The following ZNF519 variants were observed in gnomAD, a reference collection of about 807,000 sequenced individuals.
ZNF519 encodes similar to Zinc finger protein 85 (Zinc finger protein HPF4) (HTF1).
In ZNF519, 7 loss-of-function variants were observed where a neutral mutation model predicts 7.4. That is an observed-to-expected ratio of 0.94 (90% CI 0.54 to 1.77). The LOEUF is 1.77. Among genes scored for constraint, ZNF519 ranks in the 40% most tolerant of loss-of-function variants. ZNF519 has a pLI of 0.00. For synonymous variants in ZNF519, 179 were observed against 203.3 expected, an observed-to-expected ratio of 0.88 and a Z score of 1.02; for missense variants, 586 against 623.1, an observed-to-expected ratio of 0.94 and a Z score of 0.63.
At chr18:14,099,794 G>T (rs2046151724), downstream of ZNF519, 1 of 152,054 alleles carries the variant, frequency 6.6e-6, no homozygotes, top group Non-Finnish European at 1.5e-5. Context: ...ATTAAATAGG[G>T]TTCCACACAC....
chr18:14,125,946 A>G (rs565803401), intron 1 of ZNF519, among the ~76,000 whole-genome samples: 1 of 152,310 alleles, frequency 6.6e-6, no homozygotes, highest in South Asian at 2.1e-4. Flanking sequence ...TTGGCCTCCC[A>G]AAGTGCTGGG....
intron 2 of ZNF519, among the ~76,000 whole-genome samples, chr18:14,088,225 C>CT (rs1423956217): frequency 6.6e-6 from 1 of 152,124 alleles, no homozygotes; most frequent in Non-Finnish European, 1.5e-5. Flanking sequence ...ACATTTGAAT[C>CT]TTTTTTCAGG....
chr18:14,124,726 ACCT>A (rs2046288613), intron 1 of ZNF519, among the ~76,000 whole-genome samples: 1 of 151,588 alleles, frequency 6.6e-6, no homozygotes. Flanking sequence ...AGGCCCTGTG[ACCT>A]CCTTCTGGAA....
Position 14,101,431 on chromosome 18 carries a change from T to A in ZNF519, c.*3486A>T, listed in dbSNP as rs752261625. The A allele has an allele frequency of 2.7e-6, 1 of 368,806 alleles. No individual in the cohort carries two copies. Among genetic ancestry groups the A allele is most frequent in the South Asian group, 1.5e-4 (1 of 6,766 alleles). The allele number at this position is 368,806 out of a possible 1,614,324, so 22.8% of individuals were successfully genotyped here. A position where few individuals can be genotyped will look rare whatever the true frequency, so the allele number is the denominator to read the frequency against. ...ACATGAAGTGAAAGTAAAATATAAA[T>A]AATTTTCCTAGATATTCTTACAAAT... is the stretch of plus-strand genomic sequence containing the variant. On this transcript the variant is annotated 3_prime_UTR_variant, in exon 3 of 3. Coordinates refer to ENST00000590202, the MANE Select transcript of ZNF519 (RefSeq NM_145287.4).
chr18:14,086,143 G>C (rs1256927437), intron 2 of ZNF519, among the ~76,000 whole-genome samples: 5 of 152,198 alleles, frequency 3.3e-5, no homozygotes, highest in Admixed American at 3.3e-4. Context: ...CTAAGCACAG[G>C]GCTTTGCCTG....
intron 1 of ZNF519, among the ~76,000 whole-genome samples, chr18:14,127,808 C>T (rs2046308304): frequency 6.6e-6 from 1 of 152,028 alleles, no homozygotes; most frequent in Admixed American, 6.6e-5. Context: ...ACTGTAGATT[C>T]CAAAGAGAGA....
At chr18:14,076,801 C>T (rs1197016773) in exon 5 of ZNF519, 2 of 152,090 alleles carry the variant, frequency 1.3e-5, no homozygotes, top group African/African-American at 2.4e-5. Context: ...CAAAAATCTA[C>T]AGAAAAGTTA....
At chr18:14,119,475 G>C (rs927626071) in intron 2 of ZNF519, among the ~76,000 whole-genome samples, 24 of 152,164 alleles carry the variant, frequency 1.6e-4, no homozygotes, top group African/African-American at 4.8e-4. Flanking sequence ...AAAGAACAAG[G>C]CTCTCCCGTT....
At chr18:14,082,329 G>C (rs578089571) in intron 3 of ZNF519, 1 of 152,212 alleles carries the variant, frequency 6.6e-6, no homozygotes, top group Non-Finnish European at 1.5e-5. Flanking sequence ...ACAGAACTAA[G>C]AAAGCAAGTA....
At chr18:14,108,051 C>T (rs2143132859) in intron 2 of ZNF519, among the ~76,000 whole-genome samples, 1 of 152,220 alleles carries the variant, frequency 6.6e-6, no homozygotes, top group Middle Eastern at 3.4e-3. Flanking sequence ...TTGTAGGATA[C>T]CACCTACAAA....
intron 2 of ZNF519, among the ~76,000 whole-genome samples, chr18:14,111,422 G>T (rs1325263833): frequency 6.6e-6 from 1 of 150,378 alleles, no homozygotes; most frequent in South Asian, 2.1e-4. Flanking sequence ...AGGTAGAATT[G>T]CTGGAAGTCA....
chr18:14,088,730 C>T (rs754716207), intron 2 of ZNF519, among the ~76,000 whole-genome samples: 44 of 152,244 alleles, frequency 2.9e-4, no homozygotes, highest in East Asian at 7.7e-4. Flanking sequence ...GGAATTGAAA[C>T]GGTGAAATCA....
At chr18:14,107,412 C>T (rs1445373208) in intron 2 of ZNF519, among the ~76,000 whole-genome samples, 1 of 152,174 alleles carries the variant, frequency 6.6e-6, no homozygotes, top group Non-Finnish European at 1.5e-5. Flanking sequence ...GAGCCCTCGA[C>T]CTGGAATAAT....
chr18:14,095,820 G>T (rs1241055812), downstream of ZNF519, among the ~76,000 whole-genome samples: 1 of 152,216 alleles, frequency 6.6e-6, no homozygotes, highest in Non-Finnish European at 1.5e-5. Context: ...AGGACTGGGG[G>T]AGAAAAGGTA....
At chr18:14,096,780 C>A (rs560780663), downstream of ZNF519, among the ~76,000 whole-genome samples, 1 of 152,130 alleles carries the variant, frequency 6.6e-6, no homozygotes, top group African/African-American at 2.4e-5. Context: ...AAACAGAAAA[C>A]AACAGTGGTG....
intron 2 of ZNF519, among the ~76,000 whole-genome samples, chr18:14,092,972 T>C (rs930325859): frequency 6.6e-6 from 1 of 152,228 alleles, no homozygotes; most frequent in Non-Finnish European, 1.5e-5. Context: ...AATTCACTGT[T>C]TTGGAAACAC....
chr18:14,103,007 G>T lies in ZNF519; in HGVS notation c.*1910C>A, dbSNP rs917448833. On this transcript the variant is annotated 3_prime_UTR_variant, in exon 3 of 3. Coordinates refer to ENST00000590202, the MANE Select transcript of ZNF519 (RefSeq NM_145287.4). ...AGGAAGAATAAAGAAAAATACGTGA[G>T]ACATAAAAATAGAAAGCAAAATGAT... 1 of 151,894 alleles carries T rather than the reference G, an allele frequency of 6.6e-6. No individual in the cohort carries two copies. Among genetic ancestry groups the T allele is most frequent in the Non-Finnish European group, 1.5e-5 (1 of 67,944 alleles). The allele number at this position is 151,894 out of a possible 1,614,324, so 9.4% of individuals were successfully genotyped here. A position where few individuals can be genotyped will look rare whatever the true frequency, so the allele number is the denominator to read the frequency against.
downstream of ZNF519, chr18:14,073,288 T>TTTA (rs2046035414): frequency 7.9e-6 from 1 of 126,838 alleles, no homozygotes; most frequent in South Asian, 2.7e-4. Context: ...TTATTTATTT[T>TTTA]GAGATGGAGT....
At chr18:14,124,280 G>A in intron 2 of ZNF519, 70 bp downstream of exon 2, 1 of 1,425,616 alleles carries the variant, frequency 7.0e-7, no homozygotes, top group Non-Finnish European at 9.4e-7. Flanking sequence ...GCTCTCAAGA[G>A]ACAGTCTACA....
Sources: gnomAD v4.1 joint callset for allele counts (sites outside exome capture counted in the v4.1 genomes callset) on GRCh38, gnomAD v4.1.1 for gene constraint, MANE v1.5 for transcripts, NCBI Gene and HGNC (gene_info 2026-07-23, HGNC 2026-07-21) for gene names.